Variants in SOX5 observed in about 807,000 individuals in gnomAD.
SOX5 encodes the protein transcription factor SOX-5.
Under a neutral mutation model 92.0 loss-of-function variants are expected in SOX5, and 9 were observed. The observed-to-expected ratio is 0.10, with a 90% CI of 0.06 to 0.17. SOX5 has a LOEUF of 0.17. Among genes scored for constraint, SOX5 ranks in the 10% least tolerant of loss-of-function variants. SOX5 has a pLI of 1.00. For synonymous variants in SOX5, 344 were observed against 336.3 expected (o/e 1.02, Z -0.25); for missense variants, 642 against 944.5 (o/e 0.68, Z 4.20).
chr12:24,206,716 AC>A (rs1190679590), intron 4 of SOX5, among the ~76,000 whole-genome samples: 1 of 152,142 alleles, frequency 6.6e-6, no homozygotes, highest in African/African-American at 2.4e-5. Context: ...CTCCATCAGC[AC>A]CTGATCTCTC....
At chr12:23,765,609 T>C (rs2094701127) in intron 3 of SOX5, among the ~76,000 whole-genome samples, 1 of 152,006 alleles carries the variant, frequency 6.6e-6, no homozygotes, top group Non-Finnish European at 1.5e-5. Context: ...GTTATAAAAT[T>C]AGTTATGTAT....
At chr12:24,419,854 A>G (rs1048257135) in intron 1 of SOX5, among the ~76,000 whole-genome samples, 6 of 152,234 alleles carry the variant, frequency 3.9e-5, no homozygotes, top group African/African-American at 1.4e-4. Context: ...ACCATGCTAA[A>G]AAAAAGTGAA....
intron 3 of SOX5, among the ~76,000 whole-genome samples, chr12:24,271,117 A>G (rs1595011605): frequency 6.6e-6 from 1 of 152,210 alleles, no homozygotes; most frequent in Non-Finnish European, 1.5e-5. Context: ...AGTTGTTCCA[A>G]CTTACATCCC....
chr12:24,097,498 T>C lies in SOX5; in HGVS notation c.-2+115845A>G, dbSNP rs577959699. Among the ~76,000 whole-genome samples, 8 of 152,146 alleles carry C rather than the reference T, an allele frequency of 5.3e-5. No individual in the cohort carries two copies. In the East Asian group the frequency reaches 1.3e-3, roughly 26 times the overall value. On this transcript the variant is annotated intron_variant, in intron 4 of 4. Coordinates refer to the SOX5 transcript ENST00000446891. ...TTCTTCCAATAATTTTACAGGTTTT[T>C]TTTTTAACTCTTATGTTTAATTATT...
intron 3 of SOX5, among the ~76,000 whole-genome samples, chr12:23,800,643 C>A (rs1371396750): frequency 6.6e-6 from 1 of 151,992 alleles, no homozygotes; most frequent in Non-Finnish European, 1.5e-5. Flanking sequence ...AAATTTTATT[C>A]TATTTCCATT....
At chr12:24,064,550 T>C (rs930537497) in intron 4 of SOX5, among the ~76,000 whole-genome samples, 2 of 152,218 alleles carry the variant, frequency 1.3e-5, no homozygotes, top group South Asian at 2.1e-4. Context: ...AGCTTTAAAG[T>C]AGTACAGAAA....
At position 24,006,958 on chromosome 12, in the gene SOX5, A is replaced by G. The variant is rs1477848116; in HGVS notation, c.-1-110934T>C. Among the ~76,000 whole-genome samples the G allele has an allele frequency of 2.0e-5, 3 of 151,154 alleles. No individual in the cohort carries two copies. In the East Asian group the frequency reaches 5.9e-4, roughly 30 times the overall value. ...AGACCAGCCTGGCCAACATGGTGAA[A>G]CCCCGTGTCTACAAAAACACAAAAA... is the stretch of plus-strand genomic sequence containing the variant. On this transcript the variant is annotated intron_variant, in intron 4 of 4. Coordinates refer to the SOX5 transcript ENST00000446891.
chr12:24,513,679 G>C (rs1248822233), intron 1 of SOX5, among the ~76,000 whole-genome samples: 1 of 152,162 alleles, frequency 6.6e-6, no homozygotes, highest in East Asian at 1.9e-4. Flanking sequence ...GATTACCACT[G>C]AGTTTGATCT....
At chr12:24,361,951 G>C (rs572062106) in intron 2 of SOX5, among the ~76,000 whole-genome samples, 9 of 152,184 alleles carry the variant, frequency 5.9e-5, no homozygotes, top group Non-Finnish European at 1.0e-4. Context: ...GCAGAGACTG[G>C]AGTGATCTCC....
chr12:23,814,937 TAA>T (rs1168734380), intron 3 of SOX5, among the ~76,000 whole-genome samples: 1 of 152,218 alleles, frequency 6.6e-6, no homozygotes, highest in Non-Finnish European at 1.5e-5. Flanking sequence ...AAGAATATTT[TAA>T]AAGTCTAATA....
intron 1 of SOX5, among the ~76,000 whole-genome samples, chr12:24,408,479 G>A (rs1963451590): frequency 6.6e-6 from 1 of 152,084 alleles, no homozygotes; most frequent in Admixed American, 6.5e-5. Context: ...TCAAGATACA[G>A]AACATTTCCA....
At chr12:23,661,018 G>A (rs1322433101) in intron 7 of SOX5, among the ~76,000 whole-genome samples, 3 of 152,074 alleles carry the variant, frequency 2.0e-5, no homozygotes, top group African/African-American at 7.2e-5. Context: ...ATGTCAAAAT[G>A]TTCTTGGTAA....
intron 1 of SOX5, among the ~76,000 whole-genome samples, chr12:24,471,982 T>C (rs1314282840): frequency 1.3e-5 from 2 of 152,220 alleles, no homozygotes; most frequent in Non-Finnish European, 2.9e-5. Flanking sequence ...TCATGTCAAC[T>C]GGCACCAAAC....
At chr12:23,967,062 A>G (rs1298714986) in intron 4 of SOX5, among the ~76,000 whole-genome samples, 3 of 152,184 alleles carry the variant, frequency 2.0e-5, no homozygotes, top group Non-Finnish European at 4.4e-5. Context: ...CATACAATGC[A>G]TAGCATAAGA....
Position 23,532,959 on chromosome 12 carries a change from C to A in SOX5, c.*1260G>T. On this transcript the variant is annotated 3_prime_UTR_variant, in exon 15 of 15. Coordinates refer to ENST00000451604, the MANE Select transcript of SOX5 (RefSeq NM_006940.6). ...ACTAAGTAGCAAACGTTAATGGAAC[C>A]AACTGACCAGGGAGAAAGGACATCT... 1 of 173,314 alleles carries A rather than the reference C, an allele frequency of 5.8e-6. No homozygotes were observed. Among genetic ancestry groups the A allele is most frequent in the Admixed American group, 6.0e-5 (1 of 16,704 alleles). The allele number at this position is 173,314 out of a possible 1,614,324, so 10.7% of individuals were successfully genotyped here.
intron 2 of SOX5, among the ~76,000 whole-genome samples, chr12:24,300,229 C>T (rs150194963): frequency 2.6e-5 from 4 of 152,032 alleles, no homozygotes; most frequent in Admixed American, 6.5e-5. Context: ...GAAAAACATG[C>T]CAGAAGGGGA....
chr12:23,610,963 T>G (rs967149962), intron 8 of SOX5, among the ~76,000 whole-genome samples: 3 of 152,324 alleles, frequency 2.0e-5, no homozygotes, highest in Admixed American at 6.5e-5. Flanking sequence ...AAATGCCTTC[T>G]TTTTGATAAA....
chr12:23,917,092 A>C (rs941069128), intron 1 of SOX5, among the ~76,000 whole-genome samples: 86 of 152,204 alleles, frequency 5.7e-4, no homozygotes, highest in South Asian at 2.1e-4. Context: ...TTGAAGGTCT[A>C]CTATGTACCA....
chr12:23,716,553 A>G (rs903902337), intron 6 of SOX5, among the ~76,000 whole-genome samples: 1 of 152,200 alleles, frequency 6.6e-6, no homozygotes, highest in Non-Finnish European at 1.5e-5. Context: ...AAGAAACACC[A>G]ACAAGAAATT....
Sources: allele counts gnomAD v4.1 joint callset (sites outside exome capture counted in the v4.1 genomes callset), GRCh38; gene constraint gnomAD v4.1.1; transcripts MANE v1.5; gene names NCBI Gene and HGNC (gene_info 2026-07-23, HGNC 2026-07-21).